The following STXBP5 variants were observed in gnomAD, a reference collection of about 807,000 sequenced individuals.
STXBP5 encodes the protein syntaxin-binding protein 5.
Under a neutral mutation model 152.4 loss-of-function variants are expected in STXBP5, and 50 were observed. The ratio of observed to expected loss-of-function variants is 0.33; its 90% CI spans 0.26 to 0.42. The LOEUF (loss-of-function observed/expected upper bound fraction) is 0.42. Among genes scored for constraint, STXBP5 ranks in the 10% least tolerant of loss-of-function variants. The probability of loss-of-function intolerance (pLI) is 1.00; values close to 1 mark genes in which losing one functional copy is unlikely to be tolerated. For synonymous variants in STXBP5, 492 were observed against 494.7 expected, an observed-to-expected ratio of 0.99 and a Z score of 0.07; for missense variants, 1,167 against 1,388.6, an observed-to-expected ratio of 0.84 and a Z score of 2.54.
chr6:147,275,123 G>A (rs1780374551), intron 7 of STXBP5, among the ~76,000 whole-genome samples: 1 of 152,048 alleles, frequency 6.6e-6, no homozygotes, highest in Admixed American at 6.6e-5. Flanking sequence ...AGGATCATAG[G>A]TACTACTTTT....
chr6:147,262,228 AT>A, intron 5 of STXBP5, 61 bp from the exon 6 acceptor site: 1 of 891,268 alleles, frequency 1.1e-6, no homozygotes, highest in South Asian at 1.7e-5. Flanking sequence ...TTGGAATGAA[AT>A]ATGTAGCCAT....
intron 8 of STXBP5, among the ~76,000 whole-genome samples, chr6:147,284,320 A>C (rs1286971468): frequency 6.6e-6 from 1 of 152,194 alleles, no homozygotes; most frequent in Non-Finnish European, 1.5e-5. Context: ...TGGCAAAATT[A>C]AAACTTTAGA....
chr6:147,340,157 A>G (rs1784026361), intron 21 of STXBP5, among the ~76,000 whole-genome samples: 1 of 152,088 alleles, frequency 6.6e-6, no homozygotes, highest in African/African-American at 2.4e-5. Context: ...ATTTCCTCCC[A>G]AAACCTCTAT....
chr6:147,239,281 T>G lies in STXBP5; in HGVS notation c.431+11T>G, dbSNP rs772440713. The G allele has an allele frequency of 1.2e-6, 2 of 1,605,380 alleles. No individual in the cohort carries two copies. The highest frequency in any genetic ancestry group is 1.7e-6 in the Non-Finnish European group (2 of 1,172,826). ...ATTTTGCAGAGAAAGGTAAGAATTCTCCCAGTTATCTTATGTATAGGATAT... is the reference window on the plus strand; with the variant it reads ...ATTTTGCAGAGAAAGGTAAGAATTCGCCCAGTTATCTTATGTATAGGATAT... On this transcript the variant is annotated intron_variant, in intron 4 of 27. Transcript: ENST00000321680.
At chr6:147,350,470 CG>C in intron 21 of STXBP5, among the ~76,000 whole-genome samples, 1 of 152,104 alleles carries the variant, frequency 6.6e-6, no homozygotes, top group East Asian at 1.9e-4. Flanking sequence ...ATGTATTTAA[CG>C]TTTAATGTAT....
At chr6:147,219,256 A>G (rs192891762) in intron 2 of STXBP5, among the ~76,000 whole-genome samples, 1 of 152,308 alleles carries the variant, frequency 6.6e-6, no homozygotes, top group East Asian at 1.9e-4. Flanking sequence ...AGACTTGCAT[A>G]CCTGGTATAA....
At chr6:147,324,627 T>A (rs968920747) in intron 16 of STXBP5, among the ~76,000 whole-genome samples, 1 of 151,990 alleles carries the variant, frequency 6.6e-6, no homozygotes, top group Admixed American at 6.6e-5. Flanking sequence ...GTTTTTCTCT[T>A]CTTAATCCTT....
At chr6:147,284,154 T>C (rs1780839481) in intron 8 of STXBP5, among the ~76,000 whole-genome samples, 1 of 152,194 alleles carries the variant, frequency 6.6e-6, no homozygotes, top group South Asian at 2.1e-4. Context: ...ATTTAGCACA[T>C]CTTAACTTGG....
At chr6:147,256,623 G>A (rs573043110) in intron 4 of STXBP5, among the ~76,000 whole-genome samples, 18 of 152,158 alleles carry the variant, frequency 1.2e-4, no homozygotes, top group Non-Finnish European at 2.4e-4. Context: ...TCTTGGCTTC[G>A]AAAAGATAAC....
At chr6:147,347,768 G>A (rs1784402561) in intron 21 of STXBP5, among the ~76,000 whole-genome samples, 1 of 152,110 alleles carries the variant, frequency 6.6e-6, no homozygotes, top group African/African-American at 2.4e-5. Flanking sequence ...ATAAAAAAAA[G>A]TTTGAAATAT....
At chr6:147,345,031 A>G (rs186991987) in intron 21 of STXBP5, among the ~76,000 whole-genome samples, 114 of 152,184 alleles carry the variant, frequency 7.5e-4, no homozygotes, top group African/African-American at 2.6e-3. Context: ...ATTTACCTCT[A>G]TTTCAGGTAA....
At chr6:147,274,363 G>A (rs1361321329) in intron 7 of STXBP5, among the ~76,000 whole-genome samples, 1 of 151,986 alleles carries the variant, frequency 6.6e-6, no homozygotes, top group Admixed American at 6.6e-5. Context: ...AGTGGTTTCA[G>A]TTTATAACTA....
chr6:147,246,305 C>A (rs948182560), intron 4 of STXBP5, among the ~76,000 whole-genome samples: 1 of 152,128 alleles, frequency 6.6e-6, no homozygotes, highest in African/African-American at 2.4e-5. Context: ...GACCAGTATT[C>A]TCAATCATGT....
intron 3 of STXBP5, 34 bp from the exon 4 acceptor site, chr6:147,239,136 T>A: frequency 1.3e-6 from 2 of 1,556,896 alleles, no homozygotes; most frequent in East Asian, 4.5e-5. Flanking sequence ...ATAAAATATA[T>A]TATACATGAA....
intron 19 of STXBP5, among the ~76,000 whole-genome samples, chr6:147,335,767 C>T (rs891845086): frequency 1.3e-5 from 2 of 151,772 alleles, no homozygotes; most frequent in African/African-American, 4.8e-5. Flanking sequence ...CGCCACTGCA[C>T]TCCAGCCTGG....
At chr6:147,268,711 A>T (rs1298257199) in intron 7 of STXBP5, among the ~76,000 whole-genome samples, 2 of 152,220 alleles carry the variant, frequency 1.3e-5, no homozygotes, top group Admixed American at 1.3e-4. Context: ...TATTATTTTA[A>T]ATAGTGATCT....
chr6:147,245,875 A>C (rs1326211591), intron 4 of STXBP5, among the ~76,000 whole-genome samples: 2 of 152,176 alleles, frequency 1.3e-5, no homozygotes, highest in African/African-American at 4.8e-5. Flanking sequence ...GAGGCATGCA[A>C]CAGATTCTCC....
intron 2 of STXBP5, among the ~76,000 whole-genome samples, chr6:147,207,372 A>G (rs2115015019): frequency 6.6e-6 from 1 of 152,352 alleles, no homozygotes; most frequent in South Asian, 2.1e-4. Flanking sequence ...CTACGCAGTC[A>G]TACCTTTATA....
intron 21 of STXBP5, among the ~76,000 whole-genome samples, chr6:147,345,614 G>C (rs989098124): frequency 6.6e-6 from 1 of 152,042 alleles, no homozygotes; most frequent in Non-Finnish European, 1.5e-5. Flanking sequence ...TTTTATGACA[G>C]CTTCATCAGT....
Sources: allele counts gnomAD v4.1 joint callset (sites outside exome capture counted in the v4.1 genomes callset), GRCh38; gene constraint gnomAD v4.1.1; transcripts MANE v1.5; gene names NCBI Gene and HGNC (gene_info 2026-07-23, HGNC 2026-07-21).